KPRP: variants seen among roughly 807,000 people sequenced by gnomAD.
The protein encoded by KPRP is keratinocyte proline rich protein, also known as keratinocyte proline-rich protein.
For missense variants in KPRP, 820 were observed against 746.4 expected (o/e 1.10, Z -1.15); for synonymous variants, 282 against 276.9 (o/e 1.02, Z -0.18).
upstream of KPRP, among the ~76,000 whole-genome samples, chr1:152,758,995 T>C (rs766493078): frequency 1.4e-4 from 22 of 152,378 alleles, no homozygotes; most frequent in Admixed American, 7.8e-4. Context: ...TGAATTTATC[T>C]AAAAACATTG....
At chr1:152,760,059 A>T (rs780688732) in exon 1 of KPRP, 14 of 1,614,052 alleles carry the variant, frequency 8.7e-6, no homozygotes, top group Non-Finnish European at 1.1e-5. Context: ...TACCCTGTCC[A>T]GCTCCTCAGC....
chr1:152,761,208 G>A (rs1370721674), exon 1 of KPRP: 1 of 1,614,222 alleles, frequency 6.2e-7, no homozygotes, highest in Non-Finnish European at 8.5e-7. Context: ...AGGGGCAAGA[G>A]AGTGGTGCTG....
chr1:152,760,861 C>G (rs375076533), exon 1 of KPRP: 8 of 1,614,118 alleles, frequency 5.0e-6, no homozygotes, highest in Admixed American at 1.7e-5. Flanking sequence ...TCCTCTACCA[C>G]GACAACTTTC....
chr1:152,758,338 C>G (rs1028116785), upstream of KPRP, among the ~76,000 whole-genome samples: 21 of 152,160 alleles, frequency 1.4e-4, no homozygotes, highest in Non-Finnish European at 1.3e-4. Context: ...TCTGGAAAAG[C>G]CACATTAGCA....
exon 1 of KPRP, chr1:152,761,303 G>A: frequency 1.2e-6 from 2 of 1,613,916 alleles, no homozygotes; most frequent in Non-Finnish European, 1.7e-6. Flanking sequence ...GGAGTGAAAG[G>A]GGAAGCAAAG....
chr1:152,761,043 C>G, exon 1 of KPRP: 2 of 1,613,676 alleles, frequency 1.2e-6, no homozygotes, highest in Non-Finnish European at 1.7e-6. Context: ...CGGCGCCCTG[C>G]CCAAGCCCGG....
chr1:152,760,210 T>G (rs1297168127), exon 1 of KPRP: 1 of 1,614,068 alleles, frequency 6.2e-7, no homozygotes, highest in Admixed American at 1.7e-5. Context: ...CACCCCCCAG[T>G]TCCAGTTGAG....
exon 1 of KPRP, chr1:152,761,538 C>G (rs1404268608): frequency 5.8e-6 from 5 of 856,196 alleles, no homozygotes; most frequent in Non-Finnish European, 7.0e-6. Context: ...ACTCCTCGCC[C>G]GTACGCATCC....
chr1:152,761,827 T>G (rs554159423), exon 1 of KPRP: 12 of 170,436 alleles, frequency 7.0e-5, no homozygotes, highest in Non-Finnish European at 1.3e-4. Flanking sequence ...TCTCTTGAAT[T>G]GTTATTTCAC....
At position 152,760,609 on chromosome 1, in the gene KPRP, CAG is replaced by C. The variant is rs746558888; in HGVS notation, c.1024_1025del (p.Arg342ValfsTer4). The C allele has an allele frequency of 3.1e-6, 5 of 1,609,096 alleles. No homozygotes were observed. In the South Asian group the frequency reaches 5.5e-5, roughly 18 times the overall value. ...GTGCTGCCCCAGGCAGGTTCCCCCA[CAG>C]AGGTGTCCTGTTGAGATTCCTCCCA... On this transcript the variant is annotated frameshift_variant, in exon 1 of 1. Transcript: ENST00000606109. LOFTEE classifies it low-confidence loss of function (END_TRUNC).
chr1:152,759,239 C>A (rs1000136427), upstream of KPRP, among the ~76,000 whole-genome samples: 1 of 152,212 alleles, frequency 6.6e-6, no homozygotes, highest in African/African-American at 2.4e-5. Flanking sequence ...ATCTCTACTT[C>A]CTGTAGGGCT....
chr1:152,761,544 C>T (rs1159345853), exon 1 of KPRP: 4 of 802,208 alleles, frequency 5.0e-6, no homozygotes, highest in Non-Finnish European at 7.5e-6. Context: ...CGCCCGTACG[C>T]ATCCTCGGCT....
At chr1:152,760,572 G>T in exon 1 of KPRP, 1 of 1,609,330 alleles carries the variant, frequency 6.2e-7, no homozygotes, top group Non-Finnish European at 8.5e-7. Flanking sequence ...GCCGAATCGA[G>T]ATTTCCTCCC....
rs1651130370 is a variant in KPRP at position 152,761,478 on chromosome 1, A to T, written c.*150A>T. 4 of 1,396,828 alleles carry T rather than the reference A, an allele frequency of 2.9e-6. No homozygotes were observed. The South Asian group carries it at 6.3e-5, about 22-fold the overall frequency. 86.5% of individuals were successfully genotyped at this position (1,396,828 alleles called of 1,614,324 possible). On this transcript the variant is annotated 3_prime_UTR_variant, in exon 1 of 1. Transcript: ENST00000606109. ...TGATGTCCAAACTCCTTTGCCTATC[A>T]TCCAAAGATCCACACCTGGGTCTCA...
Position 152,759,604 on chromosome 1 carries a change from C to T in KPRP, c.16C>T (p.Gln6Ter), listed in dbSNP as rs778310990. 3.1e-6 allele frequency: 5 copies of T among 1,613,694 alleles called. No individual in the cohort carries two copies. In the South Asian group the frequency reaches 5.5e-5, roughly 18 times the overall value. The change falls in exon 1 of 1, where the codon CAG becomes TAG. Residue 6 changes from glutamine (Q) to a stop codon, truncating the protein, a stop_gained. Coordinates refer to ENST00000606109, the Ensembl canonical transcript of KPRP. LOFTEE classifies it low-confidence loss of function (END_TRUNC). ...CATCAGGACCATGTGTGACCAGCAGCAGATCCAGTGCCGCCTGCCGCTCCA... is the reference window on the plus strand; with the variant it reads ...CATCAGGACCATGTGTGACCAGCAGTAGATCCAGTGCCGCCTGCCGCTCCA...
chr1:152,758,522 T>C (rs1223305454), upstream of KPRP, among the ~76,000 whole-genome samples: 4 of 152,312 alleles, frequency 2.6e-5, no homozygotes, highest in Non-Finnish European at 5.9e-5. Context: ...TGATCTTGTT[T>C]TGCTGGTCAG....
chr1:152,760,278 T>C, exon 1 of KPRP: 7 of 1,614,158 alleles, frequency 4.3e-6, no homozygotes, highest in Non-Finnish European at 5.9e-6. Context: ...TTAGTCCCTG[T>C]GTGCCCCAGT....
exon 1 of KPRP, chr1:152,760,862 G>A (rs1174240097): frequency 6.2e-6 from 10 of 1,614,074 alleles, no homozygotes; most frequent in Non-Finnish European, 8.5e-6. Context: ...CCTCTACCAC[G>A]ACAACTTTCA....
At chr1:152,759,230 T>C (rs1324067742), upstream of KPRP, among the ~76,000 whole-genome samples, 9 of 152,222 alleles carry the variant, frequency 5.9e-5, no homozygotes, top group Non-Finnish European at 1.2e-4. Flanking sequence ...CAAGTTGTTA[T>C]CTCTACTTCC....
Sources: gnomAD v4.1 joint callset for allele counts (sites outside exome capture counted in the v4.1 genomes callset) on GRCh38, gnomAD v4.1.1 for gene constraint, MANE v1.5 for transcripts, NCBI Gene and HGNC (gene_info 2026-07-23, HGNC 2026-07-21) for gene names.